The following CTNNA2 variants were observed in gnomAD, a reference collection of about 807,000 sequenced individuals.
CTNNA2 encodes the protein catenin alpha-2.
A neutral mutation model predicts 101.0 loss-of-function variants in CTNNA2; 42 were observed. The observed-to-expected ratio is 0.42, with a 90% CI of 0.32 to 0.54. CTNNA2 has a LOEUF of 0.54. CTNNA2 is among the 20% of genes least tolerant of loss of function. The probability of loss-of-function intolerance (pLI) is 0.14; values close to 1 mark genes in which losing one functional copy is unlikely to be tolerated. For synonymous variants in CTNNA2, 450 were observed against 456.4 expected, an observed-to-expected ratio of 0.99 and a Z score of 0.18; for missense variants, 871 against 1,223.1, an observed-to-expected ratio of 0.71 and a Z score of 4.29.
At chr2:79,280,526 A>ATATC (rs1280677573) in intron 2 of CTNNA2, among the ~76,000 whole-genome samples, 3 of 151,984 alleles carry the variant, frequency 2.0e-5, no homozygotes, top group Non-Finnish European at 4.4e-5. Flanking sequence ...CAGTGATAAG[A>ATATC]TACTCAACCT....
intron 2 of CTNNA2, among the ~76,000 whole-genome samples, chr2:79,724,708 T>G (rs1573795580): frequency 6.8e-6 from 1 of 148,102 alleles, no homozygotes; most frequent in South Asian, 2.1e-4. Context: ...CCAGCTACTT[T>G]GGAGGCTGAG....
chr2:79,930,183 C>T (rs1378894277), intron 7 of CTNNA2, among the ~76,000 whole-genome samples: 3 of 151,282 alleles, frequency 2.0e-5, no homozygotes, highest in Non-Finnish European at 4.4e-5. Flanking sequence ...GTGGAGGTTG[C>T]AGTGAGCCAA....
intron 1 of CTNNA2, among the ~76,000 whole-genome samples, chr2:79,538,563 C>T (rs1366066750): frequency 6.6e-6 from 1 of 152,034 alleles, no homozygotes; most frequent in Admixed American, 6.6e-5. Context: ...GCCTTGCTAT[C>T]GAGCAGATTT....
At chr2:79,706,236 G>C (rs770074307) in intron 2 of CTNNA2, among the ~76,000 whole-genome samples, 1 of 151,834 alleles carries the variant, frequency 6.6e-6, no homozygotes, top group Non-Finnish European at 1.5e-5. Context: ...GGTGGCGGGC[G>C]CCTGTAGTCC....
At chr2:80,430,024 T>G (rs912780481) in intron 9 of CTNNA2, among the ~76,000 whole-genome samples, 4 of 152,218 alleles carry the variant, frequency 2.6e-5, no homozygotes, top group African/African-American at 7.2e-5. Flanking sequence ...TTTTTTCATA[T>G]GTAAGAGAAA....
At chr2:80,163,217 C>G in intron 7 of CTNNA2, 1 of 997,812 alleles carries the variant, frequency 1.0e-6, no homozygotes. Context: ...AAAGAACTAG[C>G]TTATTATTAT....
At chr2:79,510,933 C>A (rs1426480252), upstream of CTNNA2, among the ~76,000 whole-genome samples, 2 of 152,098 alleles carry the variant, frequency 1.3e-5, no homozygotes, top group African/African-American at 4.8e-5. Flanking sequence ...TATTTAATTG[C>A]AATTAAAACA....
At chr2:79,775,573 G>C (rs1673902318) in intron 3 of CTNNA2, among the ~76,000 whole-genome samples, 1 of 152,062 alleles carries the variant, frequency 6.6e-6, no homozygotes, top group Non-Finnish European at 1.5e-5. Flanking sequence ...CAATCACCAA[G>C]GTATTAAGCC....
intron 3 of CTNNA2, among the ~76,000 whole-genome samples, chr2:79,776,259 C>T (rs1284627355): frequency 6.6e-6 from 1 of 151,520 alleles, no homozygotes; most frequent in African/African-American, 2.4e-5. Context: ...AACCAGTTAA[C>T]TTTTGGAATT....
intron 7 of CTNNA2, among the ~76,000 whole-genome samples, chr2:80,026,212 C>G (rs1299893049): frequency 6.6e-6 from 1 of 152,014 alleles, no homozygotes; most frequent in Admixed American, 6.6e-5. Context: ...GAGGGAGGAG[C>G]GTTTGAATGA....
At chr2:79,592,624 C>A (rs933373171) in intron 1 of CTNNA2, among the ~76,000 whole-genome samples, 6 of 152,102 alleles carry the variant, frequency 3.9e-5, no homozygotes, top group African/African-American at 1.4e-4. Context: ...CAAACTCTTG[C>A]CTTTGTGAGT....
At chr2:79,646,891 G>A (rs1443332067) in intron 1 of CTNNA2, among the ~76,000 whole-genome samples, 1 of 152,098 alleles carries the variant, frequency 6.6e-6, no homozygotes, top group Non-Finnish European at 1.5e-5. Flanking sequence ...TCATAGGCTT[G>A]TAACATTGTG....
At chr2:80,213,199 G>A (rs907677832) in intron 7 of CTNNA2, among the ~76,000 whole-genome samples, 4 of 151,750 alleles carry the variant, frequency 2.6e-5, no homozygotes, top group African/African-American at 4.8e-5. Flanking sequence ...AGGGTTTTTT[G>A]TGTCTCTATC....
At chr2:80,351,997 G>A (rs11126759) in intron 7 of CTNNA2, among the ~76,000 whole-genome samples, 23,543 of 152,076 alleles carry the variant, frequency 0.15, 2,306 homozygotes, top group East Asian at 0.36. Flanking sequence ...GACACAGAGG[G>A]AAGCTCGTCT....
chr2:80,061,926 A>C (rs1184428227), intron 7 of CTNNA2, among the ~76,000 whole-genome samples: 1 of 152,236 alleles, frequency 6.6e-6, no homozygotes. Context: ...AAACTACTGA[A>C]AGTAAAGCAA....
At chr2:80,149,023 ATTTTT>A (rs34431691) in intron 7 of CTNNA2, among the ~76,000 whole-genome samples, 1 of 124,816 alleles carries the variant, frequency 8.0e-6, no homozygotes, top group African/African-American at 3.0e-5. Flanking sequence ...TTATTTTGTT[ATTTTT>A]TTTTTTTTTT....
At chr2:80,345,455 C>A (rs1393902483) in intron 7 of CTNNA2, among the ~76,000 whole-genome samples, 2 of 152,102 alleles carry the variant, frequency 1.3e-5, no homozygotes, top group Non-Finnish European at 1.5e-5. Flanking sequence ...TCACAATTCC[C>A]AAGCCTTGGC....
At chr2:80,180,861 C>G (rs979261348) in intron 7 of CTNNA2, among the ~76,000 whole-genome samples, 18 of 152,116 alleles carry the variant, frequency 1.2e-4, no homozygotes, top group Admixed American at 1.1e-3. Context: ...ATCTGTATTT[C>G]AGCTAACCAA....
chr2:79,329,397 C>T (rs964875710), intron 3 of CTNNA2, among the ~76,000 whole-genome samples: 4 of 152,160 alleles, frequency 2.6e-5, no homozygotes, highest in Non-Finnish European at 1.5e-5. Context: ...ATACAAATTA[C>T]TTGTCTAACT....
Sources: gnomAD v4.1 joint callset for allele counts (sites outside exome capture counted in the v4.1 genomes callset) on GRCh38, gnomAD v4.1.1 for gene constraint, MANE v1.5 for transcripts, NCBI Gene and HGNC (gene_info 2026-07-23, HGNC 2026-07-21) for gene names.